Variants in TANGO6 observed in about 807,000 individuals in gnomAD.
TANGO6 encodes the protein transport and golgi organization 6 homolog.
A neutral mutation model predicts 114.2 loss-of-function variants in TANGO6; 90 were observed. The observed-to-expected ratio is 0.79, with a 90% CI of 0.66 to 0.94. The LOEUF (loss-of-function observed/expected upper bound fraction) is 0.94. TANGO6 is among the 40% of genes least tolerant of loss of function. The pLI is 0.00. For missense variants in TANGO6, 1,274 were observed against 1,315.3 expected, an observed-to-expected ratio of 0.97 and a Z score of 0.49; for synonymous variants, 477 against 509.8, an observed-to-expected ratio of 0.94 and a Z score of 0.87.
intron 6 of TANGO6, among the ~76,000 whole-genome samples, chr16:68,879,117 A>C (rs1203387793): frequency 6.6e-6 from 1 of 152,104 alleles, no homozygotes; most frequent in Non-Finnish European, 1.5e-5. Context: ...TGTCTAAATA[A>C]ATAGAAAGAC....
intron 4 of TANGO6, among the ~76,000 whole-genome samples, chr16:68,873,721 T>TG (rs1962313697): frequency 6.6e-6 from 1 of 152,368 alleles, no homozygotes; most frequent in African/African-American, 2.4e-5. Flanking sequence ...AATTTTTGAC[T>TG]GGATGCTGAA....
At chr16:68,974,271 G>A in intron 15 of TANGO6, 103 bp downstream of exon 15, 3 of 1,338,828 alleles carry the variant, frequency 2.2e-6, no homozygotes, top group Non-Finnish European at 2.1e-6. Context: ...GTGTGGTGAG[G>A]GTAGTTTGAG....
In TANGO6 at chr16:68,928,100, G is replaced by A. The variant is rs763331386; in HGVS notation, c.2643+17G>A. The A allele has an allele frequency of 1.3e-6, 2 of 1,551,038 alleles. No individual in the cohort carries two copies. The highest frequency in any genetic ancestry group is 2.4e-5 in the East Asian group (1 of 42,160). ...CTTCTCAAGGTGAGTAGAACACACT[G>A]TAAAGACACATGGGCACAGGGTGGG... On this transcript the variant is annotated intron_variant, in intron 13 of 17. Transcript: ENST00000261778.
chr16:69,042,529 AGAGT>A (rs1959789946), intron 17 of TANGO6, among the ~76,000 whole-genome samples: 1 of 152,164 alleles, frequency 6.6e-6, no homozygotes, highest in South Asian at 2.1e-4. Flanking sequence ...CCTAGGTGAC[AGAGT>A]GAGTCTCCTT....
intron 17 of TANGO6, among the ~76,000 whole-genome samples, chr16:69,076,284 G>T (rs1186869792): frequency 1.3e-5 from 2 of 151,172 alleles, no homozygotes; most frequent in Non-Finnish European, 2.9e-5. Context: ...TAGAGACGGG[G>T]TTTCACCATG....
chr16:68,903,412 A>G (rs950746303), intron 9 of TANGO6, among the ~76,000 whole-genome samples: 1 of 151,672 alleles, frequency 6.6e-6, no homozygotes, highest in East Asian at 1.9e-4. Flanking sequence ...TGAGGTTAGG[A>G]GTTTGAGACC....
intron 12 of TANGO6, among the ~76,000 whole-genome samples, chr16:68,919,805 G>GAT (rs1963065082): frequency 1.3e-5 from 2 of 152,182 alleles, no homozygotes; most frequent in Admixed American, 6.5e-5. Flanking sequence ...ACTTTGGGAG[G>GAT]CTGAGTTTGG....
At chr16:68,874,547 TA>T (rs1214827810) in intron 4 of TANGO6, among the ~76,000 whole-genome samples, 1 of 152,210 alleles carries the variant, frequency 6.6e-6, no homozygotes, top group Non-Finnish European at 1.5e-5. Context: ...GGAGACAGAA[TA>T]ATAATAGTAA....
chr16:68,920,774 C>T (rs1963079239), intron 12 of TANGO6, among the ~76,000 whole-genome samples: 2 of 151,664 alleles, frequency 1.3e-5, no homozygotes, highest in Non-Finnish European at 2.9e-5. Flanking sequence ...TTACTTAGCA[C>T]TTCTAATTAT....
intron 14 of TANGO6, among the ~76,000 whole-genome samples, chr16:68,958,777 T>G (rs1164518714): frequency 6.6e-6 from 1 of 151,686 alleles, no homozygotes; most frequent in African/African-American, 2.4e-5. Flanking sequence ...CTACGAAGCA[T>G]TTTTTAATAT....
intron 12 of TANGO6, among the ~76,000 whole-genome samples, chr16:68,923,623 C>A (rs1024325033): frequency 3.9e-5 from 6 of 152,126 alleles, no homozygotes; most frequent in African/African-American, 1.4e-4. Flanking sequence ...AGCAGACAAT[C>A]CTTCTTAATT....
Position 68,863,047 on chromosome 16 carries a change from G to C in TANGO6, c.838G>C (p.Gly280Arg), listed in dbSNP as rs780542278. Residue 280 changes from glycine to arginine, a missense_variant, in exon 3 of 18, where the codon GGA (glycine) becomes CGA (arginine). Physicochemically the swap from Gly to Arg is moderately radical, Grantham distance 125 (BLOSUM62 -2). Around this residue, in one of 5 missense-constraint regions of TANGO6, gnomAD observed 908 missense variants for 910.2 expected, o/e 1.00. Coordinates refer to ENST00000261778, the MANE Select transcript of TANGO6 (RefSeq NM_024562.2). ...LAVRELLILQGGPPQSCTDVK... is the reference protein window; with the variant it reads ...LAVRELLILQRGPPQSCTDVK... ...AGTCCGGGAACTGCTTATCCTCCAG[G>C]GAGGACCACCCCAGGTACTCAGGCC... 5.7e-6 allele frequency: 9 copies of C among 1,575,436 alleles called. No individual in the cohort carries two copies. The Admixed American group carries it at 1.7e-4, about 29-fold the overall frequency.
intron 15 of TANGO6, among the ~76,000 whole-genome samples, chr16:68,996,031 A>G (rs149095064): frequency 0.014 from 2,062 of 152,310 alleles, 24 homozygotes; most frequent in Admixed American, 0.021. Context: ...ATCCCACAGC[A>G]TTTTATGTCT....
intron 3 of TANGO6, among the ~76,000 whole-genome samples, chr16:68,864,668 A>T (rs967109200): frequency 6.6e-6 from 1 of 152,144 alleles, no homozygotes; most frequent in Non-Finnish European, 1.5e-5. Flanking sequence ...GGCTACAGAG[A>T]TATCTCCTAA....
At position 68,940,080 on chromosome 16, in the gene TANGO6, TTCTC is replaced by T. The variant is rs34677565; in HGVS notation, c.2701+9796_2701+9799del. On this transcript the variant is annotated intron_variant, in intron 14 of 17. Coordinates refer to ENST00000261778, the MANE Select transcript of TANGO6 (RefSeq NM_024562.2). ...ATTTCCTTTCTTTCCCTTCTTTCCT[TTCTC>T]TCTCTCTCTCCTTCCTTCCTTCTTT... is the stretch of plus-strand genomic sequence containing the variant. Among the ~76,000 whole-genome samples the T allele has an allele frequency of 3.4e-3, 507 of 150,840 alleles. 1 individual carries two copies. The highest frequency in any genetic ancestry group is 6.3e-3 in the Non-Finnish European group (425 of 67,584).
At chr16:68,913,091 A>AG (rs1437155435) in intron 11 of TANGO6, among the ~76,000 whole-genome samples, 1 of 151,062 alleles carries the variant, frequency 6.6e-6, no homozygotes, top group Non-Finnish European at 1.5e-5. Flanking sequence ...AAAAAAAAAA[A>AG]CAGGGTAATA....
rs1490099408 is a variant in TANGO6 at position 69,040,330 on chromosome 16, T to C, written c.3017T>C (p.Val1006Ala). The C allele has an allele frequency of 6.2e-7, 1 of 1,608,024 alleles. No homozygotes were observed. Among genetic ancestry groups the C allele is most frequent in the Non-Finnish European group, 8.5e-7 (1 of 1,177,472 alleles). ...TAGGTAACAGCTTGCCTGATTGCTG[T>C]GGCCAAAACAGATGGTGAAGTTCAA... ...VHEVTACLIAVAKTDGEVQVR... is the reference protein window; with the variant it reads ...VHEVTACLIAAAKTDGEVQVR... Residue 1006 changes from valine to alanine, a missense_variant, in exon 17 of 18, where the codon GTG (valine) becomes GCG (alanine). Coordinates refer to ENST00000261778, the MANE Select transcript of TANGO6 (RefSeq NM_024562.2).
intron 16 of TANGO6, 83 bp downstream of exon 16, chr16:69,023,062 G>A (rs1959439381): frequency 7.1e-7 from 1 of 1,414,060 alleles, no homozygotes; most frequent in South Asian, 1.6e-5. Flanking sequence ...CAGGAGACCT[G>A]GGCTCTTTTT....
chr16:68,950,591 T>G (rs1409706810), intron 14 of TANGO6, among the ~76,000 whole-genome samples: 5 of 149,588 alleles, frequency 3.3e-5, no homozygotes, highest in Admixed American at 6.7e-5. Flanking sequence ...ATGGGCGCGG[T>G]GGCTCACACC....
Sources: allele counts gnomAD v4.1 joint callset (sites outside exome capture counted in the v4.1 genomes callset), GRCh38; gene constraint gnomAD v4.1.1; regional missense constraint gnomAD v4.1.1; transcripts MANE v1.5; gene names NCBI Gene and HGNC (gene_info 2026-07-23, HGNC 2026-07-21).